The following PCSK5 variants were observed in gnomAD, a reference collection of about 807,000 sequenced individuals.
PCSK5 encodes the protein prohormone convertase 5.
A neutral mutation model predicts 233.2 loss-of-function variants in PCSK5; 129 were observed. The observed-to-expected ratio is 0.55, with a 90% CI of 0.48 to 0.64. The LOEUF is 0.64. Among genes scored for constraint, PCSK5 ranks in the 30% least tolerant of loss-of-function variants. PCSK5 has a pLI of 0.00. For missense variants in PCSK5, 2,076 were observed against 2,430.1 expected (o/e 0.85, Z 3.06); for synonymous variants, 825 against 879.2 (o/e 0.94, Z 1.09).
At chr9:76,288,224 A>T (rs1265976831) in intron 24 of PCSK5, 1 of 152,158 alleles carries the variant, frequency 6.6e-6, no homozygotes, top group Non-Finnish European at 1.5e-5. Context: ...TTCTTGATTC[A>T]AGGTGAAACT....
Position 75,944,252 on chromosome 9 carries a change from G to A in PCSK5, c.297+11769G>A, listed in dbSNP as rs186163945. On this transcript the variant is annotated intron_variant, in intron 2 of 37. Coordinates refer to ENST00000674117, the MANE Select transcript of PCSK5 (RefSeq NM_001372043.1). ...TTTTAAAAAGCAGTATATGAAGAGA[G>A]TAGAAGATGAAGATGTGTTCCCGTT... 1.2e-3 allele frequency among the ~76,000 whole-genome samples: 189 copies of A among 151,334 alleles called. 8 individuals are homozygous for A. The East Asian group carries it at 0.032, about 26-fold the overall frequency.
At chr9:76,039,162 C>T (rs1255064543) in intron 5 of PCSK5, among the ~76,000 whole-genome samples, 1 of 152,198 alleles carries the variant, frequency 6.6e-6, no homozygotes, top group East Asian at 1.9e-4. Context: ...GTTCATTCCA[C>T]TTATGTTCGT....
chr9:75,999,317 C>G (rs756366597), intron 3 of PCSK5, among the ~76,000 whole-genome samples: 1 of 151,954 alleles, frequency 6.6e-6, no homozygotes, highest in Non-Finnish European at 1.5e-5. Context: ...CCCAGCGGGG[C>G]TAGAGGAATT....
chr9:76,242,241 T>C lies in PCSK5; in HGVS notation c.3142+1557T>C, dbSNP rs1826452147. ...CGTTGTGCTAGGAATATTCTAAATC[T>C]TCTCTTTGAGCTAATTTGAAATTAA... On this transcript the variant is annotated intron_variant, in intron 24 of 37. Coordinates refer to ENST00000674117, the MANE Select transcript of PCSK5 (RefSeq NM_001372043.1). 2.0e-5 allele frequency among the ~76,000 whole-genome samples: 3 copies of C among 152,294 alleles called. No homozygotes were observed. The South Asian group carries it at 6.2e-4, about 32-fold the overall frequency.
intron 24 of PCSK5, among the ~76,000 whole-genome samples, chr9:76,261,065 G>A (rs1363989387): frequency 6.6e-6 from 1 of 152,092 alleles, no homozygotes; most frequent in East Asian, 1.9e-4. Context: ...CCACCTTCAA[G>A]GTCCAGGTGT....
intron 35 of PCSK5, among the ~76,000 whole-genome samples, chr9:76,338,837 T>C (rs1398930880): frequency 2.6e-5 from 4 of 152,160 alleles, no homozygotes; most frequent in African/African-American, 9.7e-5. Context: ...AGAAATCTAG[T>C]TGTCTGTCCC....
intron 10 of PCSK5, among the ~76,000 whole-genome samples, chr9:76,149,066 TA>T (rs1203334758): frequency 1.3e-5 from 2 of 152,198 alleles, no homozygotes; most frequent in Non-Finnish European, 1.5e-5. Context: ...CAGTTCTCAG[TA>T]ATGGCTTACT....
At chr9:76,107,510 T>A (rs1022613708) in intron 9 of PCSK5, among the ~76,000 whole-genome samples, 159 bp downstream of exon 9, 7 of 152,192 alleles carry the variant, frequency 4.6e-5, no homozygotes, top group Admixed American at 1.3e-4. Context: ...TTAAAAAAAA[T>A]TCCCCTATAT....
rs749391859 is a variant in PCSK5 at position 76,189,621 on chromosome 9, T to A, written c.2511-10T>A. The A allele has an allele frequency of 1.3e-6, 2 of 1,573,980 alleles. No homozygotes were observed. The highest frequency in any genetic ancestry group is 3.3e-5 in the Admixed American group (2 of 59,886). Reference sequence around the variant, plus strand: ...TGAATGGATTAAAAAATTGTACATTTTTCTCATAGATGTGATATCAGTTGT... The same window carrying A: ...TGAATGGATTAAAAAATTGTACATTATTCTCATAGATGTGATATCAGTTGT... On this transcript the variant is annotated splice_polypyrimidine_tract_variant and intron_variant, in intron 19 of 37. Coordinates refer to ENST00000674117, the MANE Select transcript of PCSK5 (RefSeq NM_001372043.1).
intron 35 of PCSK5, among the ~76,000 whole-genome samples, chr9:76,347,076 A>ATTTT (rs34762060): frequency 6.7e-6 from 1 of 148,610 alleles, no homozygotes; most frequent in African/African-American, 2.5e-5. Flanking sequence ...TATTTTTTCT[A>ATTTT]TTTTTTTTTT....
At chr9:76,093,080 C>CTTTTTTTTTTTTT (rs71372045) in intron 7 of PCSK5, among the ~76,000 whole-genome samples, 1 of 85,680 alleles carries the variant, frequency 1.2e-5, no homozygotes, top group Non-Finnish European at 2.2e-5. Context: ...TTGTCTTTCC[C>CTTTTTTTTTTTTT]TTTTTTTTTT....
chr9:76,047,322 T>C (rs1007801383), intron 5 of PCSK5, among the ~76,000 whole-genome samples: 12 of 152,112 alleles, frequency 7.9e-5, no homozygotes, highest in Non-Finnish European at 1.6e-4. Flanking sequence ...AGTCTCGATC[T>C]GCTGACGTTG....
intron 36 of PCSK5, among the ~76,000 whole-genome samples, chr9:76,352,520 C>T (rs149495652): frequency 1.2e-3 from 188 of 152,172 alleles, no homozygotes; most frequent in African/African-American, 4.1e-3. Flanking sequence ...CTTCTGACCA[C>T]GATGCCCAGC....
At chr9:76,006,725 T>C (rs1435293213) in intron 3 of PCSK5, among the ~76,000 whole-genome samples, 2 of 152,208 alleles carry the variant, frequency 1.3e-5, no homozygotes, top group Non-Finnish European at 2.9e-5. Context: ...CATATCTTGG[T>C]TGGACAAAAC....
intron 1 of PCSK5, among the ~76,000 whole-genome samples, chr9:75,903,659 A>G (rs1444690599): frequency 1.4e-5 from 2 of 147,516 alleles, no homozygotes; most frequent in Non-Finnish European, 1.5e-5. Flanking sequence ...TTTTTGTAAT[A>G]AGTTCTTAAG....
At chr9:76,169,925 T>C in intron 13 of PCSK5, 85 bp downstream of exon 13, 1 of 1,052,272 alleles carries the variant, frequency 9.5e-7, no homozygotes, top group Non-Finnish European at 1.4e-6. Context: ...CACACTCACA[T>C]ATTAGCATCT....
intron 9 of PCSK5, among the ~76,000 whole-genome samples, chr9:76,120,270 C>CCATTA (rs1832582618): frequency 6.6e-6 from 1 of 152,040 alleles, no homozygotes. Flanking sequence ...TTATCTTCTA[C>CCATTA]CAAATCTTTA....
intron 24 of PCSK5, among the ~76,000 whole-genome samples, chr9:76,249,243 C>A (rs1307312925): frequency 6.6e-6 from 1 of 152,126 alleles, no homozygotes; most frequent in Non-Finnish European, 1.5e-5. Context: ...ATGCACAGGA[C>A]TGCTCCCCCA....
chr9:76,255,149 T>C (rs1031020207), intron 24 of PCSK5, among the ~76,000 whole-genome samples: 7 of 151,964 alleles, frequency 4.6e-5, no homozygotes, highest in African/African-American at 1.5e-4. Context: ...TAATTGAGTG[T>C]GGTGGTACAG....
Sources: allele counts gnomAD v4.1 joint callset (sites outside exome capture counted in the v4.1 genomes callset), GRCh38; gene constraint gnomAD v4.1.1; transcripts MANE v1.5; gene names NCBI Gene and HGNC (gene_info 2026-07-23, HGNC 2026-07-21).